BNC2: variants seen among roughly 807,000 people sequenced by gnomAD.
BNC2 encodes zinc finger protein basonuclin-2.
BNC2 carries 20 observed loss-of-function variants against 76.3 expected under a neutral mutation model. The ratio of observed to expected loss-of-function variants is 0.26; its 90% confidence interval spans 0.18 to 0.38. The LOEUF (loss-of-function observed/expected upper bound fraction) is 0.38. BNC2 is among the 10% of genes least tolerant of loss of function. BNC2 has a pLI of 1.00. For synonymous variants in BNC2, 582 were observed against 514.8 expected, an observed-to-expected ratio of 1.13 and a Z score of -1.77; for missense variants, 1,382 against 1,399.8, an observed-to-expected ratio of 0.99 and a Z score of 0.20.
intron 2 of BNC2, among the ~76,000 whole-genome samples, chr9:16,736,376 A>T (rs1353002331): frequency 6.6e-6 from 1 of 151,910 alleles, no homozygotes; most frequent in African/African-American, 2.4e-5. Context: ...CAAACCTAAC[A>T]AATAAACTTA....
intron 1 of BNC2, among the ~76,000 whole-genome samples, chr9:16,762,061 G>A (rs986514803): frequency 2.6e-5 from 4 of 152,170 alleles, no homozygotes; most frequent in African/African-American, 7.2e-5. Context: ...TTAAGATAAA[G>A]GACAGGGTAG....
At chr9:16,686,281 A>C (rs574219729) in intron 3 of BNC2, among the ~76,000 whole-genome samples, 2 of 152,320 alleles carry the variant, frequency 1.3e-5, no homozygotes, top group East Asian at 3.9e-4. Flanking sequence ...GTTTCTCTAT[A>C]TCTAAAATTC....
chr9:16,433,980 C>T (rs1439454012), intron 6 of BNC2, among the ~76,000 whole-genome samples: 3 of 151,946 alleles, frequency 2.0e-5, no homozygotes, highest in Admixed American at 6.5e-5. Flanking sequence ...AGGTTGGGTA[C>T]AGTATTTTAT....
chr9:16,858,156 A>G (rs1819308984), intron 1 of BNC2, among the ~76,000 whole-genome samples: 1 of 152,222 alleles, frequency 6.6e-6, no homozygotes, highest in Non-Finnish European at 1.5e-5. Context: ...CTAGGAAGAC[A>G]AATTTTCTCA....
At chr9:16,856,572 C>G (rs1819263749) in intron 1 of BNC2, among the ~76,000 whole-genome samples, 1 of 152,118 alleles carries the variant, frequency 6.6e-6, no homozygotes, top group South Asian at 2.1e-4. Context: ...CTGCACCCAG[C>G]CCTTCGTGTA....
At chr9:16,627,758 C>A (rs1239454361) in intron 3 of BNC2, among the ~76,000 whole-genome samples, 1 of 152,140 alleles carries the variant, frequency 6.6e-6, no homozygotes, top group African/African-American at 2.4e-5. Flanking sequence ...AAGTTCTTCA[C>A]CCGTCATGGG....
chr9:16,870,548 C>T, intron 1 of BNC2, 98 bp downstream of exon 1: 1 of 1,422,164 alleles, frequency 7.0e-7, no homozygotes, highest in Non-Finnish European at 9.6e-7. Context: ...GGCCGGAGGG[C>T]GGACACGGCC....
At chr9:16,687,979 T>TA (rs1823025585) in intron 3 of BNC2, among the ~76,000 whole-genome samples, 1 of 152,134 alleles carries the variant, frequency 6.6e-6, no homozygotes, top group African/African-American at 2.4e-5. Context: ...AAAAAGGAAC[T>TA]AGTAGGGAAG....
chr9:16,699,310 T>C (rs1823439790), intron 3 of BNC2: 1 of 419,882 alleles, frequency 2.4e-6, no homozygotes, highest in Admixed American at 3.1e-5. Flanking sequence ...AATAGTCCCT[T>C]GATGGAAATG....
intron 4 of BNC2, among the ~76,000 whole-genome samples, chr9:16,553,854 G>A (rs1337736255): frequency 2.0e-5 from 3 of 152,190 alleles, no homozygotes; most frequent in African/African-American, 7.2e-5. Context: ...TGTCTTATCT[G>A]TAGGGCTTAA....
intron 5 of BNC2, among the ~76,000 whole-genome samples, chr9:16,546,625 G>A (rs1051480644): frequency 1.3e-5 from 2 of 152,186 alleles, no homozygotes; most frequent in African/African-American, 2.4e-5. Context: ...ACAAAATGGA[G>A]TATCAGGAAA....
In BNC2 at chr9:16,866,959, G is replaced by A. The variant is rs112235792; in HGVS notation, c.3+3687C>T. ...ATGTAGATGGTAAATGAGACCATCTGCTGAGTAAATCAGAAAGCGTTGCTC... is the reference window on the plus strand; with the variant it reads ...ATGTAGATGGTAAATGAGACCATCTACTGAGTAAATCAGAAAGCGTTGCTC... On this transcript the variant is annotated intron_variant, in intron 1 of 6. Transcript: ENST00000380672. 4.9e-3 allele frequency among the ~76,000 whole-genome samples: 746 copies of A among 152,284 alleles called. 11 individuals are homozygous for A. Among genetic ancestry groups the A allele is most frequent in the African/African-American group, 0.017 (705 of 41,566 alleles).
At chr9:16,582,851 G>A (rs924715887) in intron 4 of BNC2, 132 bp downstream of exon 4, 56 of 755,398 alleles carry the variant, frequency 7.4e-5, no homozygotes, top group Admixed American at 1.5e-4. Context: ...TTGGAGCACA[G>A]CTGACCTCTC....
At chr9:16,434,906 C>T (rs939577314) in intron 6 of BNC2, 27 of 466,026 alleles carry the variant, frequency 5.8e-5, no homozygotes, top group Non-Finnish European at 7.9e-5. Context: ...GAAACCCACA[C>T]GACCATACCA....
At chr9:16,449,697 C>T (rs915972079) in intron 5 of BNC2, among the ~76,000 whole-genome samples, 8 of 152,022 alleles carry the variant, frequency 5.3e-5, no homozygotes, top group Admixed American at 3.3e-4. Context: ...TAAATTTTAG[C>T]GGATCACAAT....
At chr9:16,765,061 AC>A (rs1825654386) in intron 1 of BNC2, among the ~76,000 whole-genome samples, 1 of 152,088 alleles carries the variant, frequency 6.6e-6, no homozygotes, top group Admixed American at 6.6e-5. Context: ...AGAAGTAACA[AC>A]TCTTTAGAGT....
chr9:16,653,673 T>C (rs918081164), intron 3 of BNC2, among the ~76,000 whole-genome samples: 71 of 152,144 alleles, frequency 4.7e-4, no homozygotes, highest in African/African-American at 1.4e-3. Flanking sequence ...AGGCTGCTCC[T>C]GTGGGGTTCA....
At chr9:16,530,919 T>C (rs1428455980) in intron 5 of BNC2, among the ~76,000 whole-genome samples, 1 of 152,046 alleles carries the variant, frequency 6.6e-6, no homozygotes, top group Non-Finnish European at 1.5e-5. Flanking sequence ...ATTATGGATA[T>C]TGTCAGATCT....
chr9:16,853,846 C>T (rs1255092007), intron 1 of BNC2, among the ~76,000 whole-genome samples: 1 of 152,116 alleles, frequency 6.6e-6, no homozygotes, highest in East Asian at 1.9e-4. Flanking sequence ...CTAGCCTGAG[C>T]AATAGAGGGA....
Sources: gnomAD v4.1 joint callset for allele counts (sites outside exome capture counted in the v4.1 genomes callset) on GRCh38, gnomAD v4.1.1 for gene constraint, MANE v1.5 for transcripts, NCBI Gene and HGNC (gene_info 2026-07-23, HGNC 2026-07-21) for gene names.